KMT5A: variants seen among roughly 807,000 people sequenced by gnomAD.
The protein encoded by KMT5A is N-lysine methyltransferase KMT5A.
In KMT5A, 6 loss-of-function variants were observed where a neutral mutation model predicts 40.6. That is an observed-to-expected ratio of 0.15 (90% CI 0.08 to 0.29). KMT5A has a LOEUF of 0.29. Among genes scored for constraint, KMT5A ranks in the 10% least tolerant of loss-of-function variants. The pLI is 1.00. For missense variants in KMT5A, 308 were observed against 459.1 expected (o/e 0.67, Z 3.01); for synonymous variants, 153 against 178.8 (o/e 0.86, Z 1.15).
intron 1 of KMT5A, among the ~76,000 whole-genome samples, chr12:123,388,115 A>G (rs920488865): frequency 4.6e-5 from 7 of 152,174 alleles, no homozygotes; most frequent in African/African-American, 1.7e-4. Flanking sequence ...TCGTCTGCCT[A>G]TGGGGGCATT....
chr12:123,390,081 C>G (rs1261863740), intron 2 of KMT5A: 1 of 469,100 alleles, frequency 2.1e-6, no homozygotes, highest in Admixed American at 2.3e-5. Context: ...TCCCAGATTC[C>G]CCAGTCACCC....
At position 123,384,978 on chromosome 12, in the gene KMT5A, C is replaced by A. The variant is rs1158504439; in HGVS notation, c.10+770C>A. ...ACCGCTTGGTCATTTCCAGCCACTG[C>A]GTCTCCTTCACGCCAAAGGGCCAAA... is the stretch of plus-strand genomic sequence containing the variant. On this transcript the variant is annotated intron_variant, in intron 1 of 7. Transcript: ENST00000402868. The surrounding 1 kb of genome is among the most constrained non-coding windows in gnomAD (Gnocchi z 5.7). Among the ~76,000 whole-genome samples the A allele has an allele frequency of 4.6e-5, 7 of 151,860 alleles. No homozygotes were observed. The highest frequency in any genetic ancestry group is 8.8e-5 in the Non-Finnish European group (6 of 68,002).
rs1876786978 is a variant in KMT5A, at chr12:123,384,971, G to C, written c.10+763G>C. Reference sequence around the variant, plus strand: ...ATCTCCAACCGCTTGGTCATTTCCAGCCACTGCGTCTCCTTCACGCCAAAG... The same window carrying C: ...ATCTCCAACCGCTTGGTCATTTCCACCCACTGCGTCTCCTTCACGCCAAAG... On this transcript the variant is annotated intron_variant, in intron 1 of 7. Coordinates refer to ENST00000402868, the MANE Select transcript of KMT5A (RefSeq NM_020382.7). The surrounding 1 kb of genome is among the most constrained non-coding windows in gnomAD (Gnocchi z 5.7). 6.6e-6 allele frequency among the ~76,000 whole-genome samples: 1 copy of C among 152,064 alleles called. No individual in the cohort carries two copies. The highest frequency in any genetic ancestry group is 1.5e-5 in the Non-Finnish European group (1 of 68,022).
chr12:123,389,996 A>T (rs756694929), intron 2 of KMT5A: 1 of 458,826 alleles, frequency 2.2e-6, no homozygotes. Context: ...CGCCCCGTCC[A>T]CTCTCTTACT....
rs73216932 is a variant in KMT5A, at chr12:123,408,775, C to T, written c.*1072C>T. The stretch of plus-strand genomic sequence containing the variant: ...GACACCCAGTGTCCTCCTGCAAGGA[C>T]GCAACTGTGAGCTGAGGTGTGAGCC... On this transcript the variant is annotated 3_prime_UTR_variant, in exon 8 of 8. Coordinates refer to ENST00000402868, the MANE Select transcript of KMT5A (RefSeq NM_020382.7). 0.02 allele frequency: 3,041 copies of T among 152,596 alleles called. 44 individuals are homozygous for T. The highest frequency in any genetic ancestry group is 0.031 in the Non-Finnish European group (2,078 of 68,034). The allele number at this position is 152,596 out of a possible 1,614,324, so 9.5% of individuals were successfully genotyped here.
chr12:123,399,894 G>A (rs55932027), intron 5 of KMT5A, among the ~76,000 whole-genome samples: 4,388 of 152,180 alleles, frequency 0.029, 69 homozygotes, highest in African/African-American at 0.035. Context: ...CGCGATCTTG[G>A]CTCACTGCAG....
At chr12:123,390,497 C>A in intron 2 of KMT5A, 133 bp from the exon 3 acceptor site, 1 of 1,066,706 alleles carries the variant, frequency 9.4e-7, no homozygotes, top group Non-Finnish European at 1.4e-6. Flanking sequence ...ACAATGGGGG[C>A]TGGCATCCCC....
intron 3 of KMT5A, among the ~76,000 whole-genome samples, chr12:123,393,622 C>T (rs942732562): frequency 2.6e-5 from 4 of 152,142 alleles, no homozygotes; most frequent in South Asian, 2.1e-4. Flanking sequence ...TCACTGCAAC[C>T]TCTGCCTCCC....
intron 3 of KMT5A, among the ~76,000 whole-genome samples, chr12:123,394,339 G>A (rs949762380): frequency 6.6e-6 from 1 of 152,078 alleles, no homozygotes; most frequent in Non-Finnish European, 1.5e-5. Context: ...CCGACCTCAG[G>A]TGATCCGCCA....
intron 5 of KMT5A, among the ~76,000 whole-genome samples, 155 bp downstream of exon 5, chr12:123,396,587 C>T (rs1445540241): frequency 2.0e-5 from 3 of 152,176 alleles, no homozygotes; most frequent in Admixed American, 2.0e-4. Flanking sequence ...CTGGATCTAT[C>T]GGGGATCCTC....
intron 4 of KMT5A, 79 bp from the exon 5 acceptor site, chr12:123,396,266 G>GTGTGTGCCTTCTAAGGAGC: frequency 7.4e-7 from 1 of 1,346,540 alleles, no homozygotes; most frequent in Non-Finnish European, 1.1e-6. Context: ...TGCCTCCTCG[G>GTGTGTGCCTTCTAAGGAGC]TGTGTGCCTT....
chr12:123,395,364 C>A, intron 4 of KMT5A, 98 bp downstream of exon 4: 2 of 1,144,876 alleles, frequency 1.7e-6, no homozygotes, highest in South Asian at 2.9e-5. Context: ...TCAGTGGCCA[C>A]CTCTCAGCCT....
intron 4 of KMT5A, 118 bp downstream of exon 4, chr12:123,395,384 C>A: frequency 2.0e-6 from 2 of 1,019,638 alleles, no homozygotes; most frequent in South Asian, 3.2e-5. Context: ...TCTCTCATGT[C>A]AAAGACTCAG....
intron 3 of KMT5A, among the ~76,000 whole-genome samples, chr12:123,392,826 C>T (rs1007094054): frequency 6.6e-6 from 1 of 152,122 alleles, no homozygotes; most frequent in Non-Finnish European, 1.5e-5. Flanking sequence ...TCTCTGATTT[C>T]ACCCAGGAAG....
At chr12:123,395,628 G>A (rs1398287187) in intron 4 of KMT5A, among the ~76,000 whole-genome samples, 1 of 149,732 alleles carries the variant, frequency 6.7e-6, no homozygotes, top group African/African-American at 2.5e-5. Flanking sequence ...GCAATAGTGC[G>A]ATCTCGGCTC....
At chr12:123,389,832 C>T (rs1877152136) in intron 2 of KMT5A, among the ~76,000 whole-genome samples, 1 of 152,064 alleles carries the variant, frequency 6.6e-6, no homozygotes, top group Non-Finnish European at 1.5e-5. Flanking sequence ...GCGGGCCCCT[C>T]GGAGAGGTCA....
chr12:123,409,334 A>G lies in KMT5A; in HGVS notation c.*1631A>G, dbSNP rs1878847941. The G allele has an allele frequency of 1.3e-5, 2 of 152,190 alleles. No homozygotes were observed. The highest frequency in any genetic ancestry group is 6.6e-5 in the Admixed American group (1 of 15,250). The allele number at this position is 152,190 out of a possible 1,614,324, so 9.4% of individuals were successfully genotyped here. A position where few individuals can be genotyped will look rare whatever the true frequency, so the allele number is the denominator to read the frequency against. On this transcript the variant is annotated 3_prime_UTR_variant, in exon 8 of 8. Coordinates refer to ENST00000402868, the MANE Select transcript of KMT5A (RefSeq NM_020382.7). ...GTCATCATAAAAATGAAACAAATTAAAATATTTATTGCCAGGCAAGGCCAC... is the reference window on the plus strand; with the variant it reads ...GTCATCATAAAAATGAAACAAATTAGAATATTTATTGCCAGGCAAGGCCAC...
At chr12:123,390,015 G>C (rs1877171910) in intron 2 of KMT5A, 1 of 463,384 alleles carries the variant, frequency 2.2e-6, no homozygotes, top group African/African-American at 2.0e-5. Flanking sequence ...CTGACGCCCA[G>C]GTGCGGCTTG....
chr12:123,390,566 C>T (rs1343611615), intron 2 of KMT5A, 64 bp from the exon 3 acceptor site: 3 of 1,564,788 alleles, frequency 1.9e-6, no homozygotes, highest in South Asian at 1.2e-5. Context: ...TATTCCTCCT[C>T]CTCGTGAATG....
Sources: gnomAD v4.1 joint callset for allele counts (sites outside exome capture counted in the v4.1 genomes callset) on GRCh38, gnomAD v4.1.1 for gene constraint, Gnocchi (gnomAD v3.1) non-coding constraint, MANE v1.5 for transcripts, NCBI Gene and HGNC (gene_info 2026-07-23, HGNC 2026-07-21) for gene names.